Variants in QPCT observed in about 807,000 individuals in gnomAD.
QPCT encodes the protein EC.
QPCT carries 44 observed loss-of-function variants against 43.4 expected under a neutral mutation model. The observed-to-expected ratio is 1.01, with a 90% CI of 0.80 to 1.30. QPCT has a LOEUF of 1.30. Ranked by LOEUF, QPCT falls within the 50% of genes most tolerant of loss-of-function variation. The pLI, the probability that QPCT is intolerant of heterozygous loss-of-function variation, is 0.00. For synonymous variants in QPCT, 168 were observed against 168.4 expected (o/e 1.00, Z 0.02); for missense variants, 526 against 436.5 (o/e 1.21, Z -1.83).
chr2:37,345,369 G>T (rs1480804433), intron 1 of QPCT, among the ~76,000 whole-genome samples: 3 of 152,222 alleles, frequency 2.0e-5, no homozygotes, highest in African/African-American at 7.2e-5. Context: ...ATTTTTAAAA[G>T]GAGCAACTCG....
chr2:37,364,768 G>A (rs906883346), intron 3 of QPCT, among the ~76,000 whole-genome samples: 7 of 152,038 alleles, frequency 4.6e-5, no homozygotes, highest in African/African-American at 1.7e-4. Flanking sequence ...CACTTTGTTC[G>A]AGGTGTCTAT....
intron 3 of QPCT, among the ~76,000 whole-genome samples, chr2:37,362,718 T>C (rs1401021214): frequency 6.6e-6 from 1 of 152,132 alleles, no homozygotes; most frequent in African/African-American, 2.4e-5. Context: ...CACACTGTCC[T>C]GGAGAGGGAA....
intron 3 of QPCT, among the ~76,000 whole-genome samples, chr2:37,365,893 A>G (rs973000842): frequency 8.5e-5 from 13 of 152,208 alleles, no homozygotes; most frequent in African/African-American, 3.1e-4. Context: ...GGCCAATGTG[A>G]GGTTTGTGGT....
intron 1 of QPCT, among the ~76,000 whole-genome samples, chr2:37,347,194 C>A (rs555714293): frequency 0.012 from 600 of 48,782 alleles, 45 homozygotes; most frequent in Middle Eastern, 0.031. Context: ...ATATATATAA[C>A]ATATATATAT....
Position 37,344,770 on chromosome 2 carries a change from C to T in QPCT, c.39C>T (p.Leu13=). Reference sequence around the variant, plus strand: ...GACACCGGCGCGTCGTGGGCACCCTCCACCTGCTGCTGCTGGTGGCCGCCC... The same window carrying T: ...GACACCGGCGCGTCGTGGGCACCCTTCACCTGCTGCTGCTGGTGGCCGCCC... ...GGRHRRVVGT[L]HLLLLVAALP... Residue 13 remains leucine (L), a synonymous_variant, in exon 1 of 7, where the codon CTC becomes CTT. Transcript: ENST00000338415. 6.2e-7 allele frequency: 1 copy of T among 1,609,402 alleles called. No homozygotes were observed. The highest frequency in any genetic ancestry group is 8.5e-7 in the Non-Finnish European group (1 of 1,178,812).
intron 1 of QPCT, among the ~76,000 whole-genome samples, chr2:37,351,092 G>T (rs1159620704): frequency 6.6e-6 from 1 of 152,150 alleles, no homozygotes; most frequent in Non-Finnish European, 1.5e-5. Context: ...AAATAATTAG[G>T]CAATAAGCAT....
intron 2 of QPCT, 109 bp from the exon 3 acceptor site, chr2:37,359,471 T>C (rs1672819105): frequency 2.1e-6 from 2 of 956,170 alleles, no homozygotes; most frequent in Middle Eastern, 2.5e-4. Context: ...TCATTAAGTG[T>C]GTATTCCAAT....
intron 4 of QPCT, 115 bp downstream of exon 4, chr2:37,367,523 T>G: frequency 9.4e-7 from 1 of 1,067,252 alleles, no homozygotes; most frequent in Non-Finnish European, 1.3e-6. Flanking sequence ...GCACAGTGTT[T>G]ATGATAGAAC....
chr2:37,352,741 A>T (rs1367808231), intron 1 of QPCT, 48 bp from the exon 2 acceptor site: 1 of 1,595,580 alleles, frequency 6.3e-7, no homozygotes, highest in East Asian at 2.3e-5. Flanking sequence ...AGAGTCTTAA[A>T]CATGTTATGA....
At chr2:37,357,762 C>T (rs1672778667) in intron 2 of QPCT, among the ~76,000 whole-genome samples, 1 of 152,150 alleles carries the variant, frequency 6.6e-6, no homozygotes, top group Admixed American at 6.6e-5. Flanking sequence ...TTAAATTCCC[C>T]TTTCCTTGGA....
chr2:37,373,111 G>A lies in QPCT; in HGVS notation c.*284G>A. ...AAAGACTCTTTTAGATAAACACGAT[G>A]AGGCAAAATCAGGTTCATTCATTCA... On this transcript the variant is annotated 3_prime_UTR_variant, in exon 7 of 7. Coordinates refer to ENST00000338415, the MANE Select transcript of QPCT (RefSeq NM_012413.4). 1 of 219,092 alleles carries A rather than the reference G, an allele frequency of 4.6e-6. No homozygotes were observed. Among genetic ancestry groups the A allele is most frequent in the Admixed American group, 5.6e-5 (1 of 17,728 alleles). 13.6% of individuals were successfully genotyped at this position (219,092 alleles called of 1,614,324 possible).
chr2:37,365,188 G>A lies in QPCT; in HGVS notation c.547-2044G>A, dbSNP rs377559513. Among the ~76,000 whole-genome samples the A allele has an allele frequency of 2.3e-4, 35 of 152,100 alleles. No homozygotes were observed. The East Asian group carries it at 2.9e-3, about 13-fold the overall frequency. ...GTGAGTGTGGACAGAGAAGAGAAGAGAACCATGGAGCAAGCCCCTGAGGCT... is the reference window on the plus strand; with the variant it reads ...GTGAGTGTGGACAGAGAAGAGAAGAAAACCATGGAGCAAGCCCCTGAGGCT... On this transcript the variant is annotated intron_variant, in intron 3 of 6. Coordinates refer to ENST00000338415, the MANE Select transcript of QPCT (RefSeq NM_012413.4).
chr2:37,356,386 G>A (rs1044137925), intron 2 of QPCT, among the ~76,000 whole-genome samples: 1 of 151,788 alleles, frequency 6.6e-6, no homozygotes, highest in East Asian at 1.9e-4. Context: ...TAGATGTATA[G>A]CAACCCAAAG....
intron 1 of QPCT, among the ~76,000 whole-genome samples, chr2:37,348,697 G>T (rs897572118): frequency 1.3e-5 from 2 of 152,154 alleles, no homozygotes; most frequent in East Asian, 1.9e-4. Flanking sequence ...CAGGATATCT[G>T]GTTCACACTT....
chr2:37,359,305 A>G (rs1672814083), intron 2 of QPCT, among the ~76,000 whole-genome samples: 3 of 152,258 alleles, frequency 2.0e-5, no homozygotes, highest in African/African-American at 2.4e-5. Flanking sequence ...TCAAACTATT[A>G]ACACTGGTTA....
chr2:37,352,978 T>A (rs745811511), intron 2 of QPCT, 43 bp downstream of exon 2: 3 of 1,583,576 alleles, frequency 1.9e-6, no homozygotes, highest in African/African-American at 1.3e-5. Flanking sequence ...GTGAATACTG[T>A]GCTTTCTCAT....
At position 37,358,264 on chromosome 2, in the gene QPCT, A is replaced by G. The variant is rs116090762; in HGVS notation, c.268-1316A>G. On this transcript the variant is annotated intron_variant, in intron 2 of 6. Coordinates refer to ENST00000338415, the MANE Select transcript of QPCT (RefSeq NM_012413.4). Reference sequence around the variant, plus strand: ...TCCATCTCTACAAAAAACCAAAAAAACAAAACAAAAAAACCCACAAAAGTT... The same window carrying G: ...TCCATCTCTACAAAAAACCAAAAAAGCAAAACAAAAAAACCCACAAAAGTT... Among the ~76,000 whole-genome samples the G allele has an allele frequency of 4.1e-3, 623 of 152,192 alleles. 4 individuals carry two copies. Among genetic ancestry groups the G allele is most frequent in the African/African-American group, 0.014 (578 of 41,504 alleles).
intron 1 of QPCT, among the ~76,000 whole-genome samples, chr2:37,345,800 C>T (rs1276670542): frequency 4.8e-5 from 7 of 145,634 alleles, no homozygotes; most frequent in Non-Finnish European, 7.5e-5. Flanking sequence ...CGCGCCACTG[C>T]GCTCCAACCT....
At chr2:37,356,489 C>T (rs927392838) in intron 2 of QPCT, among the ~76,000 whole-genome samples, 1 of 152,156 alleles carries the variant, frequency 6.6e-6, no homozygotes, top group Non-Finnish European at 1.5e-5. Context: ...TTTAGAGTCC[C>T]TGCCACAGCC....
Sources: gnomAD v4.1 joint callset for allele counts (sites outside exome capture counted in the v4.1 genomes callset) on GRCh38, gnomAD v4.1.1 for gene constraint, MANE v1.5 for transcripts, NCBI Gene and HGNC (gene_info 2026-07-23, HGNC 2026-07-21) for gene names.